Variants in UBE2E3 observed in about 807,000 individuals in gnomAD.
UBE2E3 encodes ubiquitin conjugating enzyme E2 E3.
In UBE2E3, 5 loss-of-function variants were observed where a neutral mutation model predicts 23.6. The observed-to-expected ratio is 0.21, with a 90% CI of 0.11 to 0.44. The LOEUF is 0.44. UBE2E3 is among the 20% of genes least tolerant of loss of function. The probability of loss-of-function intolerance (pLI) is 0.99; values close to 1 mark genes in which losing one functional copy is unlikely to be tolerated. For missense variants in UBE2E3, 81 were observed against 249.8 expected, an observed-to-expected ratio of 0.32 and a Z score of 4.55; for synonymous variants, 78 against 87.5, an observed-to-expected ratio of 0.89 and a Z score of 0.60.
chr2:181,020,578 C>A (rs1685642613), intron 3 of UBE2E3, among the ~76,000 whole-genome samples: 1 of 152,132 alleles, frequency 6.6e-6, no homozygotes, highest in African/African-American at 2.4e-5. Flanking sequence ...GTTTTTAATT[C>A]ATAGTCATTT....
intron 3 of UBE2E3, among the ~76,000 whole-genome samples, chr2:181,052,695 G>C (rs927901405): frequency 6.6e-6 from 1 of 151,638 alleles, no homozygotes; most frequent in African/African-American, 2.4e-5. Flanking sequence ...CTCCTTTCCT[G>C]TTTACCTCCC....
At chr2:181,047,818 T>C (rs1686716778) in intron 3 of UBE2E3, among the ~76,000 whole-genome samples, 2 of 152,160 alleles carry the variant, frequency 1.3e-5, no homozygotes, top group African/African-American at 2.4e-5. Context: ...AATGTCCATA[T>C]TAGTTTAACA....
At chr2:181,034,021 G>T (rs964799554) in intron 3 of UBE2E3, among the ~76,000 whole-genome samples, 6 of 152,268 alleles carry the variant, frequency 3.9e-5, no homozygotes, top group Admixed American at 3.9e-4. Context: ...AAAAAGTCAG[G>T]AAACAACAGG....
At chr2:181,001,838 T>G (rs1684999116) in intron 3 of UBE2E3, among the ~76,000 whole-genome samples, 1 of 152,204 alleles carries the variant, frequency 6.6e-6, no homozygotes, top group South Asian at 2.1e-4. Context: ...TATACTGTTT[T>G]CAAGTATGGA....
intron 3 of UBE2E3, among the ~76,000 whole-genome samples, chr2:180,984,595 G>T (rs982425133): frequency 6.6e-6 from 1 of 152,084 alleles, no homozygotes. Context: ...TGGTTTTAGT[G>T]GTCGTTTTCT....
At chr2:181,029,190 C>G (rs185628614) in intron 3 of UBE2E3, among the ~76,000 whole-genome samples, 96 of 152,016 alleles carry the variant, frequency 6.3e-4, no homozygotes, top group African/African-American at 2.3e-3. Context: ...TATCTCTGCA[C>G]AAATAGTACA....
At chr2:181,029,286 G>A (rs747089588) in intron 3 of UBE2E3, among the ~76,000 whole-genome samples, 27 of 152,000 alleles carry the variant, frequency 1.8e-4, no homozygotes, top group Admixed American at 4.6e-4. Context: ...GCTGCCTGAC[G>A]CATTCATATA....
At chr2:181,024,460 C>A (rs115612916) in intron 3 of UBE2E3, among the ~76,000 whole-genome samples, 2 of 151,990 alleles carry the variant, frequency 1.3e-5, no homozygotes, top group Non-Finnish European at 2.9e-5. Context: ...AGTAAACAAG[C>A]AATAAGCAGA....
rs1409080231 is a variant in UBE2E3 at position 180,980,898 on chromosome 2, C to T, written c.-101C>T. 3 of 144,348 alleles carry T rather than the reference C, an allele frequency of 2.1e-5. No homozygotes were observed. The highest frequency in any genetic ancestry group is 4.6e-5 in the Non-Finnish European group (3 of 65,618). The allele number at this position is 144,348 out of a possible 1,614,324, so 8.9% of individuals were successfully genotyped here. A position where few individuals can be genotyped will look rare whatever the true frequency, so the allele number is the denominator to read the frequency against. On this transcript the variant is annotated 5_prime_UTR_variant, in exon 1 of 6. Transcript: ENST00000410062. The surrounding 1 kb of genome is among the most constrained non-coding windows in gnomAD (Gnocchi z 5.5). ...CCCCCCCCCACAGCTGCCTCCATTT[C>T]CTTAAGGAAGGGTTTTTTTCTCTCT... is the stretch of plus-strand genomic sequence containing the variant.
intron 3 of UBE2E3, among the ~76,000 whole-genome samples, chr2:181,005,784 G>A (rs4666670): frequency 0.23 from 35,342 of 151,998 alleles, 4,475 homozygotes; most frequent in Non-Finnish European, 0.28. Flanking sequence ...TAATATTTTT[G>A]TGAATCTGAA....
intron 3 of UBE2E3, among the ~76,000 whole-genome samples, chr2:181,048,412 A>G (rs746799448): frequency 1.1e-4 from 17 of 152,256 alleles, no homozygotes; most frequent in African/African-American, 3.6e-4. Context: ...TAAAGCTTAA[A>G]TACTTTTTTT....
intron 3 of UBE2E3, among the ~76,000 whole-genome samples, chr2:181,051,215 T>C (rs761098531): frequency 6.6e-6 from 1 of 151,902 alleles, no homozygotes; most frequent in African/African-American, 2.4e-5. Context: ...ATCCTTCAGC[T>C]TAACTTTTTT....
intron 3 of UBE2E3, among the ~76,000 whole-genome samples, chr2:181,051,213 GCTTAA>G (rs1371995238): frequency 1.3e-5 from 2 of 151,700 alleles, no homozygotes; most frequent in Admixed American, 1.3e-4. Context: ...TAATCCTTCA[GCTTAA>G]CTTTTTTCAC....
chr2:181,000,313 A>G (rs1684953029), intron 3 of UBE2E3, among the ~76,000 whole-genome samples: 1 of 152,242 alleles, frequency 6.6e-6, no homozygotes, highest in Non-Finnish European at 1.5e-5. Flanking sequence ...CACAACTTCT[A>G]TAATCTAAAC....
chr2:180,982,261 C>A, intron 2 of UBE2E3, 25 bp downstream of exon 2: 1 of 1,593,824 alleles, frequency 6.3e-7, no homozygotes, highest in Admixed American at 1.8e-5. Context: ...AAGGATCCAG[C>A]ACACTTTGTC....
At chr2:181,021,626 CCCTTTTTTCCTTCCTTCCTT>C (rs1685697925) in intron 3 of UBE2E3, among the ~76,000 whole-genome samples, 7 of 13,078 alleles carry the variant, frequency 5.4e-4, no homozygotes, top group Non-Finnish European at 1.1e-3. Context: ...CTCTCTCCCT[CCCTTTTTTCCTTCCTTCCTT>C]CCTTCCTTCC....
chr2:181,037,990 G>A (rs1022824531), intron 3 of UBE2E3, among the ~76,000 whole-genome samples: 2 of 152,144 alleles, frequency 1.3e-5, no homozygotes, highest in Non-Finnish European at 2.9e-5. Context: ...AAAAGTTATA[G>A]TAAGCTAAAG....
chr2:181,027,960 A>G (rs1164793020), intron 3 of UBE2E3, among the ~76,000 whole-genome samples: 1 of 151,986 alleles, frequency 6.6e-6, no homozygotes, highest in Admixed American at 6.6e-5. Flanking sequence ...CCCAGCTTAA[A>G]AACTAGATGG....
chr2:181,024,860 G>C (rs1005910319), intron 3 of UBE2E3, among the ~76,000 whole-genome samples: 1 of 151,836 alleles, frequency 6.6e-6, no homozygotes, highest in Admixed American at 6.6e-5. Context: ...AATATTGCTT[G>C]AACTGTAGTA....
Sources: gnomAD v4.1 joint callset for allele counts (sites outside exome capture counted in the v4.1 genomes callset) on GRCh38, gnomAD v4.1.1 for gene constraint, Gnocchi (gnomAD v3.1) non-coding constraint, MANE v1.5 for transcripts, NCBI Gene and HGNC (gene_info 2026-07-23, HGNC 2026-07-21) for gene names.